The following PPIL1 variants were observed in gnomAD, a reference collection of about 807,000 sequenced individuals.
PPIL1 encodes peptidylprolyl isomerase like 1.
PPIL1 carries 14 observed loss-of-function variants against 19.4 expected under a neutral mutation model. That is an observed-to-expected ratio of 0.72 (90% CI 0.48 to 1.13). The LOEUF is 1.13. Ranked by LOEUF, PPIL1 falls within the 50% of genes most tolerant of loss-of-function variation. The probability of loss-of-function intolerance (pLI) is 0.00; values close to 1 mark genes in which losing one functional copy is unlikely to be tolerated. For synonymous variants in PPIL1, 72 were observed against 73.6 expected (o/e 0.98, Z 0.11); for missense variants, 192 against 218.0 (o/e 0.88, Z 0.75).
At chr6:36,856,684 A>G (rs534918533) in intron 2 of PPIL1, 30 bp from the exon 3 acceptor site, 1 of 1,594,348 alleles carries the variant, frequency 6.3e-7, no homozygotes, top group Non-Finnish European at 8.6e-7. Context: ...CACATGAATC[A>G]GCCAGTCACA....
At chr6:36,862,900 T>C (rs1166564799) in intron 2 of PPIL1, among the ~76,000 whole-genome samples, 1 of 152,218 alleles carries the variant, frequency 6.6e-6, no homozygotes, top group African/African-American at 2.4e-5. Flanking sequence ...TGCTGTCTTC[T>C]CTTTCTCACT....
At chr6:36,862,554 C>T (rs1336511532) in intron 2 of PPIL1, among the ~76,000 whole-genome samples, 1 of 152,242 alleles carries the variant, frequency 6.6e-6, no homozygotes, top group African/African-American at 2.4e-5. Flanking sequence ...ACAGCTCTTT[C>T]CCATCTTCCT....
chr6:36,868,845 AAAC>A (rs373148463), intron 2 of PPIL1, among the ~76,000 whole-genome samples: 11 of 152,008 alleles, frequency 7.2e-5, no homozygotes, highest in Middle Eastern at 3.4e-3. Flanking sequence ...CTGTCTCCAA[AAAC>A]AACAACAACA....
intron 2 of PPIL1, among the ~76,000 whole-genome samples, chr6:36,860,850 T>C (rs903077835): frequency 1.3e-5 from 2 of 151,962 alleles, no homozygotes; most frequent in Non-Finnish European, 2.9e-5. Flanking sequence ...AAAAAAAGTA[T>C]TGTTGTTTTG....
chr6:36,873,262 C>T (rs1346313400), intron 1 of PPIL1, among the ~76,000 whole-genome samples: 2 of 151,908 alleles, frequency 1.3e-5, no homozygotes, highest in East Asian at 3.9e-4. Context: ...CCTAAGGATA[C>T]AATATGTGCA....
intron 2 of PPIL1, among the ~76,000 whole-genome samples, chr6:36,870,182 A>G (rs1583119104): frequency 6.6e-6 from 1 of 152,206 alleles, no homozygotes; most frequent in Admixed American, 6.5e-5. Flanking sequence ...AAAAAAGAAC[A>G]AGACTGAGAA....
intron 2 of PPIL1, among the ~76,000 whole-genome samples, chr6:36,867,024 T>C (rs1774408292): frequency 6.6e-6 from 1 of 152,200 alleles, no homozygotes; most frequent in South Asian, 2.1e-4. Context: ...TTATATAGCA[T>C]TTCCACTTAG....
At chr6:36,856,056 GAA>G (rs768832306) in intron 3 of PPIL1, 23 bp from the exon 4 acceptor site, 1 of 1,607,340 alleles carries the variant, frequency 6.2e-7, no homozygotes, top group Non-Finnish European at 8.5e-7. Flanking sequence ...AGGAAGAAAG[GAA>G]AGAGTATAAA....
chr6:36,871,462 A>G (rs528714728), intron 2 of PPIL1, among the ~76,000 whole-genome samples: 1 of 152,364 alleles, frequency 6.6e-6, no homozygotes, highest in Admixed American at 6.5e-5. Context: ...TGAGCAGTAC[A>G]TGTAAGTTAT....
intron 2 of PPIL1, among the ~76,000 whole-genome samples, chr6:36,869,642 G>A (rs370104404): frequency 7.9e-5 from 12 of 152,224 alleles, no homozygotes; most frequent in East Asian, 5.8e-4. Flanking sequence ...AGGTAAAAGC[G>A]AAGCAAGTTG....
chr6:36,871,768 T>C lies in PPIL1; in HGVS notation c.161A>G (p.His54Arg). 6.2e-7 allele frequency: 1 copy of C among 1,610,900 alleles called. No homozygotes were observed. The highest frequency in any genetic ancestry group is 8.5e-7 in the Non-Finnish European group (1 of 1,178,736). Residue 54 changes from histidine to arginine, a missense_variant, in exon 2 of 4, where the codon CAC (histidine) becomes CGC (arginine). Transcript: ENST00000373699. ...GATCATGAAGTCTTTGATAATTCTG[T>C]GGAATTTTGTGCCATTGTAGTAACC... ...RRGYYNGTKF[H>R]RIIKDFMIQG...
At chr6:36,858,850 C>G (rs1385839443) in intron 2 of PPIL1, among the ~76,000 whole-genome samples, 1 of 147,998 alleles carries the variant, frequency 6.8e-6, no homozygotes, top group Non-Finnish European at 1.5e-5. Context: ...CTTTGGCAAC[C>G]ACTAGAGAGT....
intron 2 of PPIL1, among the ~76,000 whole-genome samples, chr6:36,861,556 C>G (rs1774288328): frequency 6.6e-6 from 1 of 152,148 alleles, no homozygotes; most frequent in African/African-American, 2.4e-5. Flanking sequence ...GATACTAATC[C>G]TCTGTCAGTG....
At chr6:36,856,705 C>G in intron 2 of PPIL1, 51 bp from the exon 3 acceptor site, 2 of 1,538,668 alleles carry the variant, frequency 1.3e-6, no homozygotes, top group Non-Finnish European at 1.8e-6. Context: ...CATTCTATCT[C>G]ACAGCAAGAA....
At chr6:36,871,598 C>A in intron 2 of PPIL1, 120 bp downstream of exon 2, 1 of 1,242,624 alleles carries the variant, frequency 8.0e-7, no homozygotes, top group Non-Finnish European at 1.1e-6. Flanking sequence ...GAAAAGAGAG[C>A]TCTGGCTGCC....
chr6:36,870,390 T>C (rs1008263716), intron 2 of PPIL1, among the ~76,000 whole-genome samples: 3 of 152,080 alleles, frequency 2.0e-5, no homozygotes, highest in Admixed American at 6.5e-5. Context: ...CATATTCCTA[T>C]CCAACTACTT....
chr6:36,865,199 C>A (rs1009307216), intron 2 of PPIL1, among the ~76,000 whole-genome samples: 3 of 152,302 alleles, frequency 2.0e-5, no homozygotes, highest in African/African-American at 7.2e-5. Context: ...GCTCCACAGT[C>A]CTGCTCTACC....
At chr6:36,856,758 A>C in intron 2 of PPIL1, 104 bp from the exon 3 acceptor site, 1 of 1,055,482 alleles carries the variant, frequency 9.5e-7, no homozygotes, top group African/African-American at 1.5e-5. Context: ...AGAGGAAAGG[A>C]AAAGGCAGTG....
At chr6:36,856,728 G>GTCAAAGGAT (rs1220261999) in intron 2 of PPIL1, 74 bp from the exon 3 acceptor site, 2 of 1,388,998 alleles carry the variant, frequency 1.4e-6, no homozygotes, top group Non-Finnish European at 2.0e-6. Context: ...ATGGCCCAGG[G>GTCAAAGGAT]TCAAAGGATT....
Sources: allele counts gnomAD v4.1 joint callset (sites outside exome capture counted in the v4.1 genomes callset), GRCh38; gene constraint gnomAD v4.1.1; transcripts MANE v1.5; gene names NCBI Gene and HGNC (gene_info 2026-07-23, HGNC 2026-07-21).